Variants in C3orf85 observed in about 807,000 individuals in gnomAD.
C3orf85 encodes the protein uncharacterized protein C3orf85.
A neutral mutation model predicts 1.7 loss-of-function variants in C3orf85; 1 was observed. The ratio of observed to expected loss-of-function variants is 0.60; its 90% CI spans 0.21 to 2.86. The LOEUF is 2.86. Ranked by LOEUF, C3orf85 falls within the 30% of genes most tolerant of loss-of-function variation. The pLI, the probability that C3orf85 is intolerant of heterozygous loss-of-function variation, is 0.22. For synonymous variants in C3orf85, 17 were observed against 8.0 expected, an observed-to-expected ratio of 2.13 and a Z score of -1.90; for missense variants, 29 against 21.3, an observed-to-expected ratio of 1.36 and a Z score of -0.72.
At chr3:109,147,279 T>C (rs2107836504) in intron 2 of C3orf85, among the ~76,000 whole-genome samples, 1 of 152,232 alleles carries the variant, frequency 6.6e-6, no homozygotes, top group East Asian at 1.9e-4. Flanking sequence ...TGACCCTGGA[T>C]CCCAAATAAA....
intron 2 of C3orf85, among the ~76,000 whole-genome samples, chr3:109,137,318 T>C (rs1706688851): frequency 6.6e-6 from 1 of 151,962 alleles, no homozygotes; most frequent in South Asian, 2.1e-4. Context: ...AAGTGGTGCT[T>C]TAAAGGCAGA....
At chr3:109,137,637 G>GTGTGTATATATA (rs751674362) in intron 2 of C3orf85, among the ~76,000 whole-genome samples, 2,953 of 79,670 alleles carry the variant, frequency 0.037, 93 homozygotes, top group Non-Finnish European at 0.054. Flanking sequence ...GTGTGTGTGT[G>GTGTGTATATATA]TATATATATA....
At chr3:109,149,425 T>C (rs1332715950) in intron 3 of C3orf85, 2 of 155,226 alleles carry the variant, frequency 1.3e-5, no homozygotes, top group African/African-American at 4.8e-5. Flanking sequence ...TTTAGCATTA[T>C]TAAAACAAGA....
intron 2 of C3orf85, among the ~76,000 whole-genome samples, chr3:109,142,868 G>A (rs1489123040): frequency 2.0e-5 from 3 of 152,090 alleles, no homozygotes; most frequent in Non-Finnish European, 2.9e-5. Context: ...GAAGGCAATC[G>A]ATTTCCTTTA....
intron 2 of C3orf85, 40 bp from the exon 3 acceptor site, chr3:109,148,213 T>A: frequency 1.5e-6 from 1 of 686,934 alleles, no homozygotes; most frequent in Middle Eastern, 2.4e-4. Context: ...TGTAAACTAT[T>A]GCTCTAAAAG....
intron 2 of C3orf85, among the ~76,000 whole-genome samples, chr3:109,144,095 G>A (rs1416084789): frequency 6.6e-6 from 1 of 152,104 alleles, no homozygotes; most frequent in African/African-American, 2.4e-5. Context: ...TAACCTGGTT[G>A]ATATTGCCTA....
At chr3:109,149,601 A>G (rs1706845283) in intron 3 of C3orf85, 3 of 340,170 alleles carry the variant, frequency 8.8e-6, no homozygotes. Context: ...ATTGGTTTAT[A>G]CTGTGGCCCC....
chr3:109,138,509 G>C (rs1706704969), intron 2 of C3orf85, among the ~76,000 whole-genome samples: 1 of 152,088 alleles, frequency 6.6e-6, no homozygotes, highest in Non-Finnish European at 1.5e-5. Flanking sequence ...CTATTCATCT[G>C]TACTTCTCTG....
At chr3:109,144,444 T>C (rs1706773902) in intron 2 of C3orf85, among the ~76,000 whole-genome samples, 1 of 152,188 alleles carries the variant, frequency 6.6e-6, no homozygotes, top group Non-Finnish European at 1.5e-5. Flanking sequence ...ATGGGTGGTG[T>C]TATCATCATC....
chr3:109,143,328 C>T, intron 2 of C3orf85, among the ~76,000 whole-genome samples: 1 of 152,178 alleles, frequency 6.6e-6, no homozygotes, highest in Admixed American at 6.5e-5. Flanking sequence ...CTTTTCCCCA[C>T]CATTATGTTT....
intron 2 of C3orf85, among the ~76,000 whole-genome samples, chr3:109,146,637 C>T (rs913494946): frequency 6.6e-5 from 10 of 152,232 alleles, no homozygotes; most frequent in East Asian, 3.9e-4. Flanking sequence ...TGGTCTTCTC[C>T]CTCAGGGCTG....
At position 109,150,131 on chromosome 3, in the gene C3orf85, G is replaced by T; in HGVS notation, c.*237G>T. The T allele has an allele frequency of 3.9e-6, 1 of 255,710 alleles. No individual in the cohort carries two copies. Among genetic ancestry groups the T allele is most frequent in the Non-Finnish European group, 7.3e-6 (1 of 136,720 alleles). The allele number at this position is 255,710 out of a possible 1,614,324, so 15.8% of individuals were successfully genotyped here. On this transcript the variant is annotated 3_prime_UTR_variant, in exon 4 of 4. Coordinates refer to ENST00000622536, the MANE Select transcript of C3orf85 (RefSeq NM_001351622.2). Reference sequence around the variant, plus strand: ...AAAAGAACTAAAAAAAAAAAAGGCTGTAGTAATAACATTTACCAAAACGAT... The same window carrying T: ...AAAAGAACTAAAAAAAAAAAAGGCTTTAGTAATAACATTTACCAAAACGAT...
At chr3:109,146,438 G>A (rs1038552633) in intron 2 of C3orf85, 2 of 152,166 alleles carry the variant, frequency 1.3e-5, no homozygotes, top group Admixed American at 6.5e-5. Context: ...ACATATTATT[G>A]CAGTTGCAGG....
intron 2 of C3orf85, chr3:109,146,359 A>C (rs1162133285): frequency 6.6e-6 from 1 of 152,198 alleles, no homozygotes; most frequent in Non-Finnish European, 1.5e-5. Flanking sequence ...AAGTGCGTAT[A>C]ATGCATTCTA....
chr3:109,148,206 A>C (rs1375280055), intron 2 of C3orf85, 47 bp from the exon 3 acceptor site: 1 of 679,388 alleles, frequency 1.5e-6, no homozygotes, highest in Non-Finnish European at 2.7e-6. Flanking sequence ...ATTGAGATGT[A>C]AACTATTGCT....
At chr3:109,140,343 C>G (rs1310201783) in intron 2 of C3orf85, among the ~76,000 whole-genome samples, 1 of 152,156 alleles carries the variant, frequency 6.6e-6, no homozygotes, top group Non-Finnish European at 1.5e-5. Context: ...GAGAATGGTT[C>G]CTGTTAACAG....
chr3:109,146,735 T>C (rs1706803158), intron 2 of C3orf85, among the ~76,000 whole-genome samples: 1 of 152,176 alleles, frequency 6.6e-6, no homozygotes, highest in African/African-American at 2.4e-5. Context: ...ATGTCTTTTA[T>C]ATCCTAGCCA....
chr3:109,143,546 A>G (rs1239451400), intron 2 of C3orf85, among the ~76,000 whole-genome samples: 7 of 152,208 alleles, frequency 4.6e-5, no homozygotes, highest in Non-Finnish European at 1.0e-4. Flanking sequence ...TGACTGTCGC[A>G]GTGCTAAATT....
At chr3:109,145,039 A>G (rs1313867106) in intron 2 of C3orf85, among the ~76,000 whole-genome samples, 2 of 152,146 alleles carry the variant, frequency 1.3e-5, no homozygotes, top group Non-Finnish European at 2.9e-5. Flanking sequence ...GGTCAGCCCA[A>G]ATGAATGCGT....
Sources: gnomAD v4.1 joint callset for allele counts (sites outside exome capture counted in the v4.1 genomes callset) on GRCh38, gnomAD v4.1.1 for gene constraint, MANE v1.5 for transcripts, NCBI Gene and HGNC (gene_info 2026-07-23, HGNC 2026-07-21) for gene names.